PTGFRN: variants seen among roughly 807,000 people sequenced by gnomAD.
PTGFRN encodes the protein prostaglandin F2 receptor negative regulator.
A neutral mutation model predicts 83.2 loss-of-function variants in PTGFRN; 35 were observed. That is an observed-to-expected ratio of 0.42 (90% CI 0.32 to 0.56). The LOEUF (loss-of-function observed/expected upper bound fraction) is 0.56. Ranked by LOEUF, PTGFRN falls within the 20% of genes least tolerant of loss-of-function variation. The pLI is 0.11. For synonymous variants in PTGFRN, 519 were observed against 498.6 expected, an observed-to-expected ratio of 1.04 and a Z score of -0.55; for missense variants, 1,051 against 1,179.5, an observed-to-expected ratio of 0.89 and a Z score of 1.60.
At chr1:116,957,960 A>G (rs1002156926) in intron 4 of PTGFRN, among the ~76,000 whole-genome samples, 8 of 150,074 alleles carry the variant, frequency 5.3e-5, no homozygotes, top group Non-Finnish European at 1.2e-4. Context: ...TTTTTTTTTT[A>G]TGGCTGAATA....
intron 7 of PTGFRN, 174 bp downstream of exon 7, chr1:116,974,497 A>G: frequency 2.0e-6 from 1 of 491,314 alleles, no homozygotes; most frequent in Non-Finnish European, 3.6e-6. Context: ...TGTTGAGTGG[A>G]TGCATCTATC....
intron 3 of PTGFRN, among the ~76,000 whole-genome samples, chr1:116,947,010 C>A (rs1650217558): frequency 6.6e-6 from 1 of 152,258 alleles, no homozygotes; most frequent in Admixed American, 6.5e-5. Context: ...CTTACTTTCA[C>A]AGTGGGAGGA....
At chr1:116,953,650 T>A (rs1291816275) in intron 4 of PTGFRN, among the ~76,000 whole-genome samples, 2 of 151,612 alleles carry the variant, frequency 1.3e-5, no homozygotes, top group African/African-American at 2.4e-5. Flanking sequence ...GACCTAAGAG[T>A]TTGTCTTAGG....
intron 1 of PTGFRN, among the ~76,000 whole-genome samples, chr1:116,916,624 G>A (rs1472282826): frequency 1.3e-5 from 2 of 152,186 alleles, no homozygotes; most frequent in African/African-American, 4.8e-5. Flanking sequence ...CCAGAGAGCT[G>A]TACAGATACT....
At position 116,989,640 on chromosome 1, in the gene PTGFRN, T is replaced by C. The variant is rs2101097301; in HGVS notation, c.*2673T>C. ...ATAGCCCCAGAAAGAGCCTAAGCTATGTTCAGATAGAAGCCTCGAAATTCC... is the reference window on the plus strand; with the variant it reads ...ATAGCCCCAGAAAGAGCCTAAGCTACGTTCAGATAGAAGCCTCGAAATTCC... On this transcript the variant is annotated 3_prime_UTR_variant, in exon 9 of 9. Transcript: ENST00000393203. The C allele has an allele frequency of 6.5e-6, 1 of 152,740 alleles. No homozygotes were observed. The highest frequency in any genetic ancestry group is 1.5e-5 in the Non-Finnish European group (1 of 68,022). The allele number at this position is 152,740 out of a possible 1,614,324, so 9.5% of individuals were successfully genotyped here.
intron 1 of PTGFRN, among the ~76,000 whole-genome samples, chr1:116,928,620 G>A (rs2101055839): frequency 6.6e-6 from 1 of 152,164 alleles, no homozygotes; most frequent in Non-Finnish European, 1.5e-5. Context: ...CAAAGTCCTG[G>A]CATCTTTACC....
intron 3 of PTGFRN, among the ~76,000 whole-genome samples, chr1:116,948,530 A>T (rs940704204): frequency 6.6e-6 from 1 of 152,188 alleles, no homozygotes; most frequent in African/African-American, 2.4e-5. Flanking sequence ...ACTCAAGGAA[A>T]ATTGTCTGGT....
chr1:116,986,871 T>C lies in PTGFRN; in HGVS notation c.2544T>C (p.Cys848=). ...GLSTVIGLLS[C]LIGYCSSHWC... ...CCACGGTCATCGGGCTCCTGTCCTGTCTCATCGGGTACTGCAGCTCCCACT... is the reference window on the plus strand; with the variant it reads ...CCACGGTCATCGGGCTCCTGTCCTGCCTCATCGGGTACTGCAGCTCCCACT... The change falls in exon 9 of 9, where the codon TGT becomes TGC. Residue 848 remains cysteine, a synonymous_variant. Transcript: ENST00000393203. 1 of 1,614,198 alleles carries C rather than the reference T, an allele frequency of 6.2e-7. No homozygotes were observed. Among genetic ancestry groups the C allele is most frequent in the Non-Finnish European group, 8.5e-7 (1 of 1,180,016 alleles).
At chr1:116,981,227 G>A (rs1473799030) in intron 7 of PTGFRN, among the ~76,000 whole-genome samples, 1 of 152,110 alleles carries the variant, frequency 6.6e-6, no homozygotes, top group South Asian at 2.1e-4. Flanking sequence ...GAGCAGGACT[G>A]TACCCACCTC....
intron 1 of PTGFRN, among the ~76,000 whole-genome samples, chr1:116,916,886 A>G (rs1439549806): frequency 6.6e-6 from 1 of 152,136 alleles, no homozygotes; most frequent in Non-Finnish European, 1.5e-5. Context: ...GAGTTGGACA[A>G]AATGCACTAG....
At chr1:116,963,474 T>C (rs1306333906) in intron 5 of PTGFRN, among the ~76,000 whole-genome samples, 1 of 152,250 alleles carries the variant, frequency 6.6e-6, no homozygotes, top group Non-Finnish European at 1.5e-5. Context: ...ATGGCTGCTC[T>C]CTCTTATGTC....
At chr1:116,969,798 T>C (rs529130941) in intron 6 of PTGFRN, among the ~76,000 whole-genome samples, 2 of 152,324 alleles carry the variant, frequency 1.3e-5, no homozygotes, top group East Asian at 3.9e-4. Context: ...AGTGTACAGA[T>C]CTTGTTTCTT....
At position 116,986,791 on chromosome 1, in the gene PTGFRN, T is replaced by C; in HGVS notation, c.2474-10T>C. On this transcript the variant is annotated splice_polypyrimidine_tract_variant and intron_variant, in intron 8 of 8. Transcript: ENST00000393203. ...ACTGACTGGCTTCCCCTTTGATCTCTCCCTCCCAGTGCTGAACGCCTTCAA... is the reference window on the plus strand; with the variant it reads ...ACTGACTGGCTTCCCCTTTGATCTCCCCCTCCCAGTGCTGAACGCCTTCAA... The C allele has an allele frequency of 6.2e-7, 1 of 1,613,536 alleles. No homozygotes were observed. The highest frequency in any genetic ancestry group is 8.5e-7 in the Non-Finnish European group (1 of 1,179,778).
chr1:116,921,262 A>G (rs1459443281), intron 1 of PTGFRN, among the ~76,000 whole-genome samples: 2 of 152,144 alleles, frequency 1.3e-5, no homozygotes, highest in South Asian at 2.1e-4. Context: ...TCCCTTTAGG[A>G]TGTACTGAGA....
At chr1:116,934,312 A>C (rs562530887) in intron 1 of PTGFRN, among the ~76,000 whole-genome samples, 1 of 150,928 alleles carries the variant, frequency 6.6e-6, no homozygotes, top group Non-Finnish European at 1.5e-5. Flanking sequence ...TGCCTGGCTA[A>C]TTTTTTCTGT....
rs1476627296 is a variant in PTGFRN, at chr1:116,987,623, T to G, written c.*656T>G. 1 of 152,422 alleles carries G rather than the reference T, an allele frequency of 6.6e-6. No homozygotes were observed. Among genetic ancestry groups the G allele is most frequent in the Non-Finnish European group, 1.5e-5 (1 of 68,036 alleles). The allele number at this position is 152,422 out of a possible 1,614,324, so 9.4% of individuals were successfully genotyped here. ...TGCCCCTTTTCCATTTCTTTTGTAT[T>G]TGTTTTCTGTGAGAGCACTGAAATG... On this transcript the variant is annotated 3_prime_UTR_variant, in exon 9 of 9. Coordinates refer to ENST00000393203, the MANE Select transcript of PTGFRN (RefSeq NM_020440.4).
chr1:116,945,529 C>G (rs1650175593), intron 3 of PTGFRN, among the ~76,000 whole-genome samples: 1 of 152,118 alleles, frequency 6.6e-6, no homozygotes, highest in Non-Finnish European at 1.5e-5. Flanking sequence ...TTCTCTGCAG[C>G]TGTTGGAGTG....
At chr1:116,978,585 T>C (rs985002380) in intron 7 of PTGFRN, among the ~76,000 whole-genome samples, 1 of 152,242 alleles carries the variant, frequency 6.6e-6, no homozygotes, top group East Asian at 1.9e-4. Context: ...AATCAATAAA[T>C]GTAATCCAGC....
intron 3 of PTGFRN, 29 bp downstream of exon 3, chr1:116,945,121 A>G (rs1321785607): frequency 1.3e-6 from 2 of 1,573,364 alleles, no homozygotes; most frequent in African/African-American, 1.4e-5. Context: ...GTTATAGGTG[A>G]TGTTATTTTG....
Sources: gnomAD v4.1 joint callset for allele counts (sites outside exome capture counted in the v4.1 genomes callset) on GRCh38, gnomAD v4.1.1 for gene constraint, MANE v1.5 for transcripts, NCBI Gene and HGNC (gene_info 2026-07-23, HGNC 2026-07-21) for gene names.